Variants in SORCS1 observed in about 807,000 individuals in gnomAD.
The protein encoded by SORCS1 is sortilin related VPS10 domain containing receptor 1, also known as VPS10 domain-containing receptor SorCS1.
A neutral mutation model predicts 146.1 loss-of-function variants in SORCS1; 60 were observed. That is an observed-to-expected ratio of 0.41 (90% CI 0.33 to 0.51). SORCS1 has a LOEUF of 0.51. Among genes scored for constraint, SORCS1 ranks in the 20% least tolerant of loss-of-function variants. The probability of loss-of-function intolerance (pLI) is 0.21; values close to 1 mark genes in which losing one functional copy is unlikely to be tolerated. For missense variants in SORCS1, 1,352 were observed against 1,487.6 expected (o/e 0.91, Z 1.50); for synonymous variants, 637 against 584.0 (o/e 1.09, Z -1.31).
At chr10:107,159,014 G>A (rs1969510051) in intron 1 of SORCS1, among the ~76,000 whole-genome samples, 1 of 151,898 alleles carries the variant, frequency 6.6e-6, no homozygotes, top group South Asian at 2.1e-4. Context: ...ATTTTTTTGG[G>A]GGGGAAGGGG....
chr10:107,112,522 A>G (rs756022410), intron 1 of SORCS1, among the ~76,000 whole-genome samples: 2 of 152,150 alleles, frequency 1.3e-5, no homozygotes, highest in African/African-American at 2.4e-5. Flanking sequence ...AAAAATGTCA[A>G]TAGTAAATCC....
At chr10:106,781,432 C>T (rs1409842353) in intron 3 of SORCS1, among the ~76,000 whole-genome samples, 4 of 152,120 alleles carry the variant, frequency 2.6e-5, no homozygotes, top group Admixed American at 6.6e-5. Flanking sequence ...ATCTCTTTTG[C>T]TTTACTCAGA....
At chr10:106,825,335 G>C (rs546965801) in intron 3 of SORCS1, among the ~76,000 whole-genome samples, 1 of 147,146 alleles carries the variant, frequency 6.8e-6, no homozygotes, top group Non-Finnish European at 1.5e-5. Flanking sequence ...GCAGTGGCGC[G>C]ATCTCAGCTC....
chr10:106,846,622 T>G (rs1949321775), intron 2 of SORCS1, among the ~76,000 whole-genome samples: 1 of 14,080 alleles, frequency 7.1e-5, no homozygotes, highest in African/African-American at 2.6e-4. Context: ...AACACTATGT[T>G]GAATAGGAGC....
chr10:106,679,740 A>G lies in SORCS1; in HGVS notation c.1561-6T>C. ...AGGTGTAGTGAGCAATAGGGCTGAA[A>G]AGAGAAATAATAAGTGCCACAAAAT... On this transcript the variant is annotated splice_region_variant and splice_polypyrimidine_tract_variant and intron_variant, in intron 10 of 25. Coordinates refer to ENST00000263054, the MANE Select transcript of SORCS1 (RefSeq NM_052918.5). 1 of 1,598,346 alleles carries G rather than the reference A, an allele frequency of 6.3e-7. No individual in the cohort carries two copies. Among genetic ancestry groups the G allele is most frequent in the Non-Finnish European group, 8.6e-7 (1 of 1,168,872 alleles).
intron 10 of SORCS1, among the ~76,000 whole-genome samples, chr10:106,682,248 T>G (rs1852492829): frequency 6.6e-6 from 1 of 152,208 alleles, no homozygotes; most frequent in Admixed American, 6.5e-5. Flanking sequence ...TTGCTATGGC[T>G]TTCAGAGGGC....
At chr10:107,114,422 A>G (rs1346999960) in intron 1 of SORCS1, among the ~76,000 whole-genome samples, 1 of 152,188 alleles carries the variant, frequency 6.6e-6, no homozygotes. Context: ...TAAAAGGATC[A>G]TACACCATGT....
At chr10:106,830,593 A>T (rs199929570) in intron 2 of SORCS1, among the ~76,000 whole-genome samples, 5,824 of 134,304 alleles carry the variant, frequency 0.043, 301 homozygotes, top group African/African-American at 0.13. Context: ...TTTTTTTTTT[A>T]AAAAAATTTA....
chr10:106,771,211 C>T (rs1339191255), intron 4 of SORCS1, among the ~76,000 whole-genome samples: 3 of 149,708 alleles, frequency 2.0e-5, no homozygotes, highest in Admixed American at 2.0e-4. Context: ...TCTTATACTT[C>T]TCTCCTGTTT....
intron 24 of SORCS1, among the ~76,000 whole-genome samples, chr10:106,596,175 C>G (rs935604621): frequency 2.6e-5 from 4 of 152,122 alleles, no homozygotes; most frequent in Non-Finnish European, 5.9e-5. Flanking sequence ...GTCTCTCTCT[C>G]TATAAGCATT....
rs1200849744 is a variant in SORCS1 at position 106,878,646 on chromosome 10, A to ATATATATATATATTTATT, written c.627-48974_627-48973insAATAAATATATATATATA. 4.2e-4 allele frequency among the ~76,000 whole-genome samples: 50 copies of ATATATATATATATTTATT among 117,888 alleles called. 1 individual carries two copies. The highest frequency in any genetic ancestry group is 4.6e-3 in the Middle Eastern group (1 of 216). 77.3% of individuals were successfully genotyped at this position (117,888 alleles called of 152,430 possible). The stretch of plus-strand genomic sequence containing the variant: ...TATATATATATATATATATATATAT[A>ATATATATATATATTTATT]TATTTTATAGCAGCCTGAATGGACT... On this transcript the variant is annotated intron_variant, in intron 2 of 25. Coordinates refer to ENST00000263054, the MANE Select transcript of SORCS1 (RefSeq NM_052918.5).
At chr10:106,891,462 T>G (rs1445848769) in intron 2 of SORCS1, among the ~76,000 whole-genome samples, 2 of 148,960 alleles carry the variant, frequency 1.3e-5, no homozygotes, top group Non-Finnish European at 3.0e-5. Context: ...TCTCTTGACC[T>G]ATGTCAAGAC....
chr10:106,590,669 T>G (rs1020966110), intron 24 of SORCS1, among the ~76,000 whole-genome samples: 1 of 152,158 alleles, frequency 6.6e-6, no homozygotes, highest in Non-Finnish European at 1.5e-5. Flanking sequence ...TTTGTTTTTG[T>G]TTTGAGATGG....
chr10:106,837,030 A>T (rs951123965), intron 2 of SORCS1, among the ~76,000 whole-genome samples: 5 of 152,226 alleles, frequency 3.3e-5, no homozygotes, highest in African/African-American at 1.2e-4. Flanking sequence ...TGCCCAGTGC[A>T]ATGCCAATAC....
upstream of SORCS1, among the ~76,000 whole-genome samples, chr10:107,167,061 A>G (rs1970066069): frequency 6.6e-6 from 1 of 152,268 alleles, no homozygotes; most frequent in Non-Finnish European, 1.5e-5. Flanking sequence ...CTGGGAGTTC[A>G]TAGAGAGCAG....
chr10:106,652,412 G>A lies in SORCS1; in HGVS notation c.2445C>T (p.His815=), dbSNP rs779202074. 2 of 1,614,134 alleles carry A rather than the reference G, an allele frequency of 1.2e-6. No individual in the cohort carries two copies. Among genetic ancestry groups the A allele is most frequent in the Non-Finnish European group, 1.7e-6 (2 of 1,179,998 alleles). The change falls in exon 18 of 26, where the codon CAC becomes CAT. Residue 815 remains histidine (H), a synonymous_variant. Transcript: ENST00000263054. ...CTAATTGCACCATGAGAGTGACGTT[G>A]TGTCCTTGTTCCGCTGTCAGCTTTC... ...ADGKLTAEQG[H]NVTLMVQLEE... is the part of the protein sequence containing the mutation.
chr10:106,648,616 G>A (rs1023015998), intron 18 of SORCS1, among the ~76,000 whole-genome samples: 2 of 152,070 alleles, frequency 1.3e-5, no homozygotes. Flanking sequence ...TATGTGTGAA[G>A]AATTATTTTT....
chr10:106,687,998 A>G (rs1481536725), intron 10 of SORCS1, among the ~76,000 whole-genome samples, 194 bp downstream of exon 10: 1 of 152,196 alleles, frequency 6.6e-6, no homozygotes, highest in Non-Finnish European at 1.5e-5. Context: ...AAATATGCCC[A>G]TGTTCTCCCA....
intron 1 of SORCS1, among the ~76,000 whole-genome samples, chr10:107,011,888 T>C (rs1957710115): frequency 1.3e-5 from 2 of 152,234 alleles, no homozygotes; most frequent in African/African-American, 4.8e-5. Flanking sequence ...CACAAGGTTG[T>C]CTATTTAAAT....
Sources: allele counts gnomAD v4.1 joint callset (sites outside exome capture counted in the v4.1 genomes callset), GRCh38; gene constraint gnomAD v4.1.1; transcripts MANE v1.5; gene names NCBI Gene and HGNC (gene_info 2026-07-23, HGNC 2026-07-21).